Variants in NRXN3 observed in about 807,000 individuals in gnomAD.
NRXN3 encodes neurexin 3, also known as neurexin III.
NRXN3 carries 32 observed loss-of-function variants against 137.6 expected under a neutral mutation model. The ratio of observed to expected loss-of-function variants is 0.23; its 90% CI spans 0.18 to 0.31. The LOEUF (loss-of-function observed/expected upper bound fraction) is 0.31, where lower values mean the gene tolerates loss of function less well. Among genes scored for constraint, NRXN3 ranks in the 10% least tolerant of loss-of-function variants. The pLI is 1.00. For missense variants in NRXN3, 1,574 were observed against 2,062.5 expected (o/e 0.76, Z 4.59); for synonymous variants, 798 against 784.5 (o/e 1.02, Z -0.29).
At chr14:79,604,686 C>G (rs1203777024) in intron 16 of NRXN3, among the ~76,000 whole-genome samples, 1 of 152,120 alleles carries the variant, frequency 6.6e-6, no homozygotes, top group African/African-American at 2.4e-5. Context: ...AAAAAGCTAC[C>G]ATTGTTGTTA....
chr14:78,810,205 C>A, intron 9 of NRXN3, 113 bp from the exon 10 acceptor site: 1 of 658,764 alleles, frequency 1.5e-6, no homozygotes, highest in Non-Finnish European at 2.7e-6. Context: ...ATAAAATGGC[C>A]ACATTTCTTA....
chr14:79,139,055 A>G (rs1213462613), intron 15 of NRXN3, among the ~76,000 whole-genome samples: 1 of 152,194 alleles, frequency 6.6e-6, no homozygotes, highest in Non-Finnish European at 1.5e-5. Context: ...GCAATTTCAT[A>G]CTTTTTCACC....
chr14:78,617,896 G>A (rs1034871018), intron 4 of NRXN3, among the ~76,000 whole-genome samples: 7 of 145,826 alleles, frequency 4.8e-5, no homozygotes, highest in Non-Finnish European at 9.0e-5. Context: ...AGTAATTGCG[G>A]TTTTTGCCAT....
intron 15 of NRXN3, among the ~76,000 whole-genome samples, chr14:79,085,715 G>A (rs1281488075): frequency 6.6e-6 from 1 of 152,126 alleles, no homozygotes; most frequent in East Asian, 1.9e-4. Flanking sequence ...ATTAGATGGC[G>A]AGAAGAAACG....
At chr14:79,708,288 T>C (rs1421574322) in intron 19 of NRXN3, among the ~76,000 whole-genome samples, 1 of 152,158 alleles carries the variant, frequency 6.6e-6, no homozygotes, top group Non-Finnish European at 1.5e-5. Flanking sequence ...CTAGAGATGA[T>C]TTAAAATGCA....
chr14:78,369,866 A>G (rs918172713), intron 4 of NRXN3, among the ~76,000 whole-genome samples: 9 of 151,750 alleles, frequency 5.9e-5, no homozygotes, highest in Non-Finnish European at 1.0e-4. Flanking sequence ...GTGAAACTCA[A>G]TAATCCCAAG....
chr14:78,368,441 C>T (rs908520432), intron 4 of NRXN3, among the ~76,000 whole-genome samples: 10 of 152,266 alleles, frequency 6.6e-5, no homozygotes, highest in South Asian at 2.1e-4. Flanking sequence ...CCGGGCACAG[C>T]GGCTTACGCC....
intron 15 of NRXN3, among the ~76,000 whole-genome samples, chr14:79,357,728 A>C (rs1397788742): frequency 6.6e-6 from 1 of 152,188 alleles, no homozygotes; most frequent in Non-Finnish European, 1.5e-5. Flanking sequence ...ATATATATAC[A>C]TACCTTTAGA....
chr14:79,238,754 T>G (rs1394206529), intron 15 of NRXN3, among the ~76,000 whole-genome samples: 1 of 152,084 alleles, frequency 6.6e-6, no homozygotes, highest in Non-Finnish European at 1.5e-5. Flanking sequence ...AAATACTGAG[T>G]GAAAAGTTTA....
chr14:78,334,877 A>G (rs1171191863), intron 4 of NRXN3, among the ~76,000 whole-genome samples: 1 of 152,152 alleles, frequency 6.6e-6, no homozygotes, highest in Non-Finnish European at 1.5e-5. Flanking sequence ...TGAAACACCT[A>G]CTAGGGCTGG....
chr14:78,978,753 T>C, intron 14 of NRXN3, among the ~76,000 whole-genome samples: 1 of 147,852 alleles, frequency 6.8e-6, no homozygotes, highest in Admixed American at 6.8e-5. Context: ...TATATACATC[T>C]TATATATAAT....
intron 15 of NRXN3, among the ~76,000 whole-genome samples, chr14:79,213,782 A>C (rs1379734230): frequency 6.6e-6 from 1 of 152,134 alleles, no homozygotes; most frequent in Non-Finnish European, 1.5e-5. Context: ...ACATCCACAC[A>C]GTTCTCTCAC....
At chr14:78,517,824 T>C (rs2096232327) in intron 4 of NRXN3, among the ~76,000 whole-genome samples, 1 of 152,176 alleles carries the variant, frequency 6.6e-6, no homozygotes, top group Non-Finnish European at 1.5e-5. Flanking sequence ...TGTTCTTAAG[T>C]CATCAGAGGG....
intron 15 of NRXN3, among the ~76,000 whole-genome samples, chr14:79,409,515 A>G (rs920289367): frequency 6.7e-6 from 1 of 149,890 alleles, no homozygotes; most frequent in Non-Finnish European, 1.5e-5. Context: ...ATATTCACAT[A>G]TATATACATG....
intron 4 of NRXN3, among the ~76,000 whole-genome samples, chr14:78,532,375 T>TTGTGTGTGTG (rs56788209): frequency 0.018 from 2,478 of 138,602 alleles, 33 homozygotes; most frequent in South Asian, 0.035. Context: ...TGATGATATT[T>TTGTGTGTGTG]TGTGTGTGTG....
intron 16 of NRXN3, among the ~76,000 whole-genome samples, chr14:79,516,732 C>G (rs1488432937): frequency 1.3e-5 from 2 of 152,044 alleles, no homozygotes; most frequent in Non-Finnish European, 1.5e-5. Flanking sequence ...TCTCATAGTC[C>G]CACCTACTAA....
chr14:79,007,399 G>A (rs2099555199), intron 15 of NRXN3, among the ~76,000 whole-genome samples: 1 of 151,596 alleles, frequency 6.6e-6, no homozygotes, highest in South Asian at 2.1e-4. Context: ...AGTGATGTTA[G>A]GGACAGTTCA....
chr14:78,387,308 C>G (rs1212352103), intron 4 of NRXN3, among the ~76,000 whole-genome samples: 13 of 152,024 alleles, frequency 8.6e-5, no homozygotes, highest in Non-Finnish European at 1.9e-4. Flanking sequence ...ATCATGATTT[C>G]TTTTTTGAGT....
intron 15 of NRXN3, among the ~76,000 whole-genome samples, chr14:79,386,273 A>C (rs575171645): frequency 6.6e-6 from 1 of 152,328 alleles, no homozygotes; most frequent in African/African-American, 2.4e-5. Context: ...ATACAAAATC[A>C]ATGTGCAAAA....
Sources: allele counts gnomAD v4.1 joint callset (sites outside exome capture counted in the v4.1 genomes callset), GRCh38; gene constraint gnomAD v4.1.1; transcripts MANE v1.5; gene names NCBI Gene and HGNC (gene_info 2026-07-23, HGNC 2026-07-21).